The following TMPRSS11D variants were observed in gnomAD, a reference collection of about 807,000 sequenced individuals.
The protein encoded by TMPRSS11D is transmembrane protease serine 11D.
A neutral mutation model predicts 44.4 loss-of-function variants in TMPRSS11D; 32 were observed. The ratio of observed to expected loss-of-function variants is 0.72; its 90% CI spans 0.54 to 0.97. TMPRSS11D has a LOEUF of 0.97. TMPRSS11D is among the 50% of genes least tolerant of loss of function. The pLI, the probability that TMPRSS11D is intolerant of heterozygous loss-of-function variation, is 0.00. For synonymous variants in TMPRSS11D, 179 were observed against 177.9 expected, an observed-to-expected ratio of 1.01 and a Z score of -0.05; for missense variants, 446 against 502.6, an observed-to-expected ratio of 0.89 and a Z score of 1.08.
chr4:67,845,416 G>A (rs1318568635), intron 3 of TMPRSS11D, among the ~76,000 whole-genome samples: 1 of 152,132 alleles, frequency 6.6e-6, no homozygotes, highest in Non-Finnish European at 1.5e-5. Flanking sequence ...GCATCACAAA[G>A]TTTAATGAAC....
chr4:67,850,994 C>G (rs1421671203), intron 3 of TMPRSS11D, among the ~76,000 whole-genome samples: 1 of 152,152 alleles, frequency 6.6e-6, no homozygotes, highest in Non-Finnish European at 1.5e-5. Flanking sequence ...GAGTGACTTG[C>G]CTGGAAGTGG....
At chr4:67,845,354 G>A (rs1273101356) in intron 3 of TMPRSS11D, among the ~76,000 whole-genome samples, 4 of 152,152 alleles carry the variant, frequency 2.6e-5, no homozygotes, top group African/African-American at 7.2e-5. Flanking sequence ...ATTCTAATGA[G>A]ATAGTGATAA....
chr4:67,849,707 T>C (rs1461751002), intron 3 of TMPRSS11D, among the ~76,000 whole-genome samples: 1 of 152,172 alleles, frequency 6.6e-6, no homozygotes, highest in Admixed American at 6.5e-5. Flanking sequence ...AGTGAATTGC[T>C]AAATAAAATA....
At chr4:67,861,568 G>T (rs1718791453) in intron 1 of TMPRSS11D, among the ~76,000 whole-genome samples, 1 of 151,994 alleles carries the variant, frequency 6.6e-6, no homozygotes, top group South Asian at 2.1e-4. Context: ...GGAGTGAGAA[G>T]AACTGTAAAG....
chr4:67,849,005 T>C (rs1468048979), intron 3 of TMPRSS11D, among the ~76,000 whole-genome samples: 1 of 152,134 alleles, frequency 6.6e-6, no homozygotes, highest in African/African-American at 2.4e-5. Context: ...TTTGTTGCTA[T>C]TTTGGTACCC....
chr4:67,837,541 T>C (rs1718122208), intron 5 of TMPRSS11D, among the ~76,000 whole-genome samples: 1 of 152,176 alleles, frequency 6.6e-6, no homozygotes, highest in African/African-American at 2.4e-5. Context: ...GAAGAAATAA[T>C]GGCTTATTAA....
chr4:67,846,988 T>G (rs1278195439), intron 3 of TMPRSS11D, among the ~76,000 whole-genome samples: 2 of 151,986 alleles, frequency 1.3e-5, no homozygotes, highest in Non-Finnish European at 2.9e-5. Context: ...CACTGCAACC[T>G]CTGCCTCCCA....
chr4:67,857,726 G>C lies in TMPRSS11D; in HGVS notation c.130+1831C>G, dbSNP rs186512527. On this transcript the variant is annotated intron_variant, in intron 2 of 9. Coordinates refer to ENST00000283916, the MANE Select transcript of TMPRSS11D (RefSeq NM_004262.3). ...ACTGGGAAGGATGGAGGGGTGTGAG[G>C]GGGATTGAAGAGAGGTTGGCTAACA... is the stretch of plus-strand genomic sequence containing the variant. Among the ~76,000 whole-genome samples, 6 of 152,244 alleles carry C rather than the reference G, an allele frequency of 3.9e-5. No homozygotes were observed. The East Asian group carries it at 1.2e-3, about 29-fold the overall frequency.
intron 4 of TMPRSS11D, among the ~76,000 whole-genome samples, chr4:67,840,038 T>C (rs986333784): frequency 3.5e-5 from 5 of 142,810 alleles, no homozygotes; most frequent in Non-Finnish European, 7.5e-5. Context: ...TCCTCTAGAA[T>C]GTCTGACAGA....
chr4:67,853,462 AG>A (rs1429941643), intron 3 of TMPRSS11D, among the ~76,000 whole-genome samples: 1 of 152,186 alleles, frequency 6.6e-6, no homozygotes, highest in Non-Finnish European at 1.5e-5. Context: ...TGAAAAGGTA[AG>A]GGTAAGTGAG....
chr4:67,834,299 C>G (rs555129128), intron 6 of TMPRSS11D, among the ~76,000 whole-genome samples: 1 of 152,172 alleles, frequency 6.6e-6, no homozygotes, highest in South Asian at 2.1e-4. Context: ...TAAAGGAGGA[C>G]CAGGCTTCCA....
intron 3 of TMPRSS11D, among the ~76,000 whole-genome samples, chr4:67,843,764 A>G (rs573203021): frequency 6.6e-6 from 1 of 152,254 alleles, no homozygotes; most frequent in South Asian, 2.1e-4. Flanking sequence ...TCTACTAAAA[A>G]TACAAAAAAT....
chr4:67,822,551 A>G, intron 9 of TMPRSS11D, 53 bp from the exon 10 acceptor site: 1 of 1,595,104 alleles, frequency 6.3e-7, no homozygotes. Flanking sequence ...AACCCAAAAT[A>G]TTAAGGAGTT....
At chr4:67,871,725 T>TAA (rs1719065601) in intron 1 of TMPRSS11D, among the ~76,000 whole-genome samples, 1 of 152,186 alleles carries the variant, frequency 6.6e-6, no homozygotes, top group South Asian at 2.1e-4. Flanking sequence ...CTTGCTTCCA[T>TAA]AATTCAGATT....
chr4:67,880,654 C>T (rs1193658346), intron 1 of TMPRSS11D, among the ~76,000 whole-genome samples: 1 of 151,460 alleles, frequency 6.6e-6, no homozygotes, highest in Non-Finnish European at 1.5e-5. Flanking sequence ...TTTTTTGAGA[C>T]AGGTTTTTGC....
chr4:67,875,002 T>C (rs1183509545), intron 1 of TMPRSS11D, among the ~76,000 whole-genome samples: 1 of 152,212 alleles, frequency 6.6e-6, no homozygotes, highest in Non-Finnish European at 1.5e-5. Context: ...TGCATCAATA[T>C]ATTTTTAAAA....
intron 2 of TMPRSS11D, among the ~76,000 whole-genome samples, chr4:67,855,943 A>G (rs1265587247): frequency 2.0e-5 from 3 of 152,100 alleles, no homozygotes; most frequent in East Asian, 3.9e-4. Context: ...AGGTAATTCC[A>G]TCTTCTACAA....
rs575235395 is a variant in TMPRSS11D, at chr4:67,879,723, T to C, written c.8+4203A>G. Among the ~76,000 whole-genome samples, 5 of 152,214 alleles carry C rather than the reference T, an allele frequency of 3.3e-5. No individual in the cohort carries two copies. The East Asian group carries it at 9.7e-4, about 29-fold the overall frequency. On this transcript the variant is annotated intron_variant, in intron 1 of 9. Coordinates refer to ENST00000283916, the MANE Select transcript of TMPRSS11D (RefSeq NM_004262.3). ...CAAGACAAGAGCTATTTCAGAGCTGTGAAGATCAGAAACTATTTGCACTGG... is the reference window on the plus strand; with the variant it reads ...CAAGACAAGAGCTATTTCAGAGCTGCGAAGATCAGAAACTATTTGCACTGG...
chr4:67,860,237 G>C (rs1422002332), intron 1 of TMPRSS11D: 1 of 152,410 alleles, frequency 6.6e-6, no homozygotes, highest in Non-Finnish European at 1.5e-5. Context: ...GGGGAGAATA[G>C]CAAGTAACTG....
Sources: allele counts gnomAD v4.1 joint callset (sites outside exome capture counted in the v4.1 genomes callset), GRCh38; gene constraint gnomAD v4.1.1; transcripts MANE v1.5; gene names NCBI Gene and HGNC (gene_info 2026-07-23, HGNC 2026-07-21).